The following ZBTB20 variants were observed in gnomAD, a reference collection of about 807,000 sequenced individuals.
ZBTB20 encodes zinc finger and BTB domain-containing protein 20.
A neutral mutation model predicts 56.9 loss-of-function variants in ZBTB20; 9 were observed. The ratio of observed to expected loss-of-function variants is 0.16; its 90% CI spans 0.10 to 0.28. The LOEUF (loss-of-function observed/expected upper bound fraction) is 0.28, where lower values mean the gene tolerates loss of function less well. Among genes scored for constraint, ZBTB20 ranks in the 10% least tolerant of loss-of-function variants. ZBTB20 has a pLI of 1.00. For synonymous variants in ZBTB20, 417 were observed against 420.7 expected (o/e 0.99, Z 0.11); for missense variants, 655 against 1,003.0 (o/e 0.65, Z 4.69).
At chr3:114,391,867 T>C (rs1477062554) in intron 7 of ZBTB20, among the ~76,000 whole-genome samples, 1 of 152,170 alleles carries the variant, frequency 6.6e-6, no homozygotes, top group African/African-American at 2.4e-5. Context: ...GGCCACAGAC[T>C]AATATTTATC....
At chr3:114,674,886 T>C (rs191438061) in intron 6 of ZBTB20, among the ~76,000 whole-genome samples, 1 of 151,676 alleles carries the variant, frequency 6.6e-6, no homozygotes, top group Admixed American at 6.6e-5. Context: ...AAGTCAAAAA[T>C]ATGGGTGTTC....
chr3:114,633,606 T>C (rs1272269459), intron 6 of ZBTB20, among the ~76,000 whole-genome samples: 1 of 152,164 alleles, frequency 6.6e-6, no homozygotes, highest in East Asian at 1.9e-4. Context: ...CCTGTTCTCA[T>C]TCAGTGGCAT....
intron 7 of ZBTB20, among the ~76,000 whole-genome samples, chr3:114,499,893 A>C (rs1431759111): frequency 6.6e-6 from 1 of 152,128 alleles, no homozygotes; most frequent in African/African-American, 2.4e-5. Flanking sequence ...TGTACTTCTT[A>C]GTAAAGGGAT....
intron 6 of ZBTB20, among the ~76,000 whole-genome samples, chr3:114,632,495 T>G (rs1273934622): frequency 6.6e-6 from 1 of 152,190 alleles, no homozygotes; most frequent in African/African-American, 2.4e-5. Context: ...TATGACCCAC[T>G]ATACTTAACC....
intron 6 of ZBTB20, among the ~76,000 whole-genome samples, chr3:114,507,400 G>A (rs1521260): frequency 0.29 from 44,026 of 151,906 alleles, 7,672 homozygotes; most frequent in African/African-American, 0.49. Context: ...GCAAATGTTT[G>A]AAAAACTGAG....
At chr3:114,832,678 T>A (rs186763242) in intron 4 of ZBTB20, among the ~76,000 whole-genome samples, 2 of 152,168 alleles carry the variant, frequency 1.3e-5, no homozygotes. Context: ...AAAGTCAATA[T>A]GTAAGTCTAA....
chr3:114,886,417 C>A (rs2076603626), intron 4 of ZBTB20, among the ~76,000 whole-genome samples: 2 of 152,190 alleles, frequency 1.3e-5, no homozygotes, highest in Admixed American at 6.5e-5. Flanking sequence ...TCTCAACATG[C>A]AGTCATCCAG....
intron 4 of ZBTB20, among the ~76,000 whole-genome samples, chr3:114,875,203 TAATC>T (rs2076149599): frequency 6.6e-6 from 1 of 152,164 alleles, no homozygotes; most frequent in Non-Finnish European, 1.5e-5. Flanking sequence ...GCACTGTGCA[TAATC>T]AAACTGATTA....
At chr3:114,886,096 T>C (rs1211609822) in intron 4 of ZBTB20, among the ~76,000 whole-genome samples, 1 of 152,202 alleles carries the variant, frequency 6.6e-6, no homozygotes, top group Non-Finnish European at 1.5e-5. Context: ...CTCACCCTAA[T>C]AGTGGTCTGC....
chr3:114,741,298 G>C (rs775871385), intron 5 of ZBTB20, among the ~76,000 whole-genome samples: 23 of 152,130 alleles, frequency 1.5e-4, no homozygotes, highest in Admixed American at 2.6e-4. Context: ...ATAGGCATGT[G>C]ACCTGACTAA....
At chr3:114,934,297 A>C (rs1165479141) in intron 3 of ZBTB20, among the ~76,000 whole-genome samples, 1 of 152,132 alleles carries the variant, frequency 6.6e-6, no homozygotes, top group Non-Finnish European at 1.5e-5. Flanking sequence ...CGACCTCTTC[A>C]GGAAAGCCTT....
At chr3:114,849,992 T>G (rs2074919430) in intron 4 of ZBTB20, among the ~76,000 whole-genome samples, 1 of 145,254 alleles carries the variant, frequency 6.9e-6, no homozygotes, top group Non-Finnish European at 1.5e-5. Flanking sequence ...CTCCACCTCC[T>G]GGATTCAAGC....
At chr3:114,875,684 C>A (rs531248007) in intron 4 of ZBTB20, among the ~76,000 whole-genome samples, 9 of 152,204 alleles carry the variant, frequency 5.9e-5, no homozygotes, top group Non-Finnish European at 2.9e-5. Flanking sequence ...AACTGGACAA[C>A]CTATCAGAAA....
At chr3:114,722,186 T>A (rs924940165) in intron 5 of ZBTB20, among the ~76,000 whole-genome samples, 1 of 152,212 alleles carries the variant, frequency 6.6e-6, no homozygotes, top group African/African-American at 2.4e-5. Context: ...TATTGGTTCA[T>A]ATCCTGGCTC....
Position 114,314,819 on chromosome 3 carries a change from A to G in ZBTB20, c.*24186T>C, listed in dbSNP as rs1358592095. 6.6e-6 allele frequency: 1 copy of G among 152,064 alleles called. No individual in the cohort carries two copies. Among genetic ancestry groups the G allele is most frequent in the Non-Finnish European group, 1.5e-5 (1 of 68,002 alleles). 9.4% of individuals were successfully genotyped at this position (152,064 alleles called of 1,614,324 possible). On this transcript the variant is annotated 3_prime_UTR_variant, in exon 12 of 12. Transcript: ENST00000675478. The stretch of plus-strand genomic sequence containing the variant: ...TAATATAATAGTATAATGAAGCGCT[A>G]CAGTTAATTTTTCTTTTTTTGAATG...
intron 6 of ZBTB20, among the ~76,000 whole-genome samples, chr3:114,683,274 A>G (rs917294588): frequency 6.6e-6 from 1 of 152,164 alleles, no homozygotes; most frequent in African/African-American, 2.4e-5. Flanking sequence ...CATGTCTTAG[A>G]CACTGAGGTA....
intron 2 of ZBTB20, among the ~76,000 whole-genome samples, chr3:115,046,604 G>A (rs1232899185): frequency 6.6e-6 from 1 of 152,158 alleles, no homozygotes; most frequent in Non-Finnish European, 1.5e-5. Context: ...AAGACTACTT[G>A]AAATTATAGG....
At chr3:114,492,281 G>C (rs546483556) in intron 7 of ZBTB20, among the ~76,000 whole-genome samples, 2 of 152,214 alleles carry the variant, frequency 1.3e-5, no homozygotes, top group South Asian at 4.2e-4. Flanking sequence ...CTGAATTCCA[G>C]TTTTATGTAT....
In ZBTB20 at chr3:114,339,067, C is replaced by A; in HGVS notation, c.2164G>T (p.Ala722Ser). 1 of 1,555,572 alleles carries A rather than the reference C, an allele frequency of 6.4e-7. No individual in the cohort carries two copies. The highest frequency in any genetic ancestry group is 1.2e-5 in the South Asian group (1 of 81,054). ...GTTYVCSVCP[A>S]KFDQIEQFND... ...AACTGCTCGATTTGGTCAAACTTTGCTGGGCAGACGGAGCAGACGTAAGTG... is the reference window on the plus strand; with the variant it reads ...AACTGCTCGATTTGGTCAAACTTTGATGGGCAGACGGAGCAGACGTAAGTG... The change falls in exon 12 of 12, where the codon GCA (alanine) becomes TCA (serine). Residue 722 changes from alanine (A) to serine (S), a missense_variant. Physicochemically the swap from Ala to Ser is moderately conservative, Grantham distance 99. Around this residue, in one of 10 missense-constraint regions of ZBTB20, gnomAD observed 89 missense variants for 79.7 expected, o/e 1.12. Transcript: ENST00000675478. This position sits in a 1 kb window ranked among gnomAD's most constrained non-coding sequence, Gnocchi z 4.2.
Sources: gnomAD v4.1 joint callset for allele counts (sites outside exome capture counted in the v4.1 genomes callset) on GRCh38, gnomAD v4.1.1 for gene constraint, gnomAD v4.1.1 regional missense constraint, Gnocchi (gnomAD v3.1) non-coding constraint, MANE v1.5 for transcripts, NCBI Gene and HGNC (gene_info 2026-07-23, HGNC 2026-07-21) for gene names.